Variants in TNFAIP2 observed in about 807,000 individuals in gnomAD.
TNFAIP2 encodes TNF alpha induced protein 2.
A neutral mutation model predicts 63.5 loss-of-function variants in TNFAIP2; 47 were observed. The ratio of observed to expected loss-of-function variants is 0.74; its 90% confidence interval spans 0.59 to 0.94. TNFAIP2 has a LOEUF of 0.94. TNFAIP2 is among the 40% of genes least tolerant of loss of function. The pLI, the probability that TNFAIP2 is intolerant of heterozygous loss-of-function variation, is 0.00. For synonymous variants in TNFAIP2, 405 were observed against 390.2 expected (o/e 1.04, Z -0.45); for missense variants, 787 against 850.2 (o/e 0.93, Z 0.92).
At chr14:103,122,618 CGGTGT>C (rs1465094769), upstream of TNFAIP2, 1 of 455,224 alleles carries the variant, frequency 2.2e-6, no homozygotes, top group African/African-American at 2.0e-5. Flanking sequence ...CCCTGAGAGA[CGGTGT>C]GGATGGGGAG....
intron 6 of TNFAIP2, 132 bp from the exon 7 acceptor site, chr14:103,130,920 C>A: frequency 2.4e-6 from 2 of 842,238 alleles, no homozygotes; most frequent in Non-Finnish European, 3.7e-6. Flanking sequence ...CAGGGGCTAG[C>A]GGCCCCTCCC....
In TNFAIP2 at chr14:103,132,830, G is replaced by C. The variant is rs377165629; in HGVS notation, c.1503G>C (p.Thr501=). The change falls in exon 9 of 12, where the codon ACG becomes ACC. Residue 501 remains threonine, a synonymous_variant. Coordinates refer to ENST00000560869, the MANE Select transcript of TNFAIP2 (RefSeq NM_006291.4). ...TLENIIATVD[T]RLPEFSELQG... is the part of the protein sequence containing the mutation. The stretch of plus-strand genomic sequence containing the variant: ...AAAACATCATCGCCACTGTAGACAC[G>C]AGGCTGCCTGAGTTCTCAGAGCTGC... 1 of 1,614,028 alleles carries C rather than the reference G, an allele frequency of 6.2e-7. No individual in the cohort carries two copies. Among genetic ancestry groups the C allele is most frequent in the South Asian group, 1.1e-5 (1 of 91,016 alleles).
upstream of TNFAIP2, chr14:103,122,974 G>A (rs1474075059): frequency 8.3e-6 from 3 of 360,602 alleles, no homozygotes; most frequent in African/African-American, 4.3e-5. Flanking sequence ...CCCCTTAGGG[G>A]GCCTCCTTCA....
At position 103,127,459 on chromosome 14, in the gene TNFAIP2, C is replaced by T; in HGVS notation, c.690C>T (p.Ala230=). 1 of 1,588,234 alleles carries T rather than the reference C, an allele frequency of 6.3e-7. No homozygotes were observed. Among genetic ancestry groups the T allele is most frequent in the Non-Finnish European group, 8.5e-7 (1 of 1,175,360 alleles). ...LGRTMKEDLE[A]VVERLKPLFP... ...GCACCATGAAGGAGGACCTGGAGGC[C>T]GTGGTGGAGCGGCTGAAGCCGCTGT... The change falls in exon 3 of 12, where the codon GCC becomes GCT. Residue 230 remains alanine (A), a synonymous_variant. Transcript: ENST00000560869. The surrounding 1 kb of genome is among the most constrained non-coding windows in gnomAD (Gnocchi z 5.1).
In TNFAIP2 at chr14:103,135,215, C is replaced by A; in HGVS notation, c.1824-4C>A. 3 of 1,613,742 alleles carry A rather than the reference C, an allele frequency of 1.9e-6. No individual in the cohort carries two copies. Among genetic ancestry groups the A allele is most frequent in the Non-Finnish European group, 2.5e-6 (3 of 1,179,990 alleles). ...CTGGGCTGACAGGATGCTCTCTTTG[C>A]CAGCAAAGGCCACCTGAGCGCTATC... On this transcript the variant is annotated splice_region_variant and splice_polypyrimidine_tract_variant and intron_variant, in intron 11 of 11. Transcript: ENST00000560869. The surrounding 1 kb of genome is among the most constrained non-coding windows in gnomAD (Gnocchi z 7.6).
chr14:103,136,145 C>T lies in TNFAIP2; in HGVS notation c.*785C>T, dbSNP rs2088091299. On this transcript the variant is annotated 3_prime_UTR_variant, in exon 12 of 12. Transcript: ENST00000560869. Reference sequence around the variant, plus strand: ...GCAGGGACAGGCCCTGGGGGTGCCACCGTGGGCCCTGCCACCCAGAAGTCT... The same window carrying T: ...GCAGGGACAGGCCCTGGGGGTGCCATCGTGGGCCCTGCCACCCAGAAGTCT... 1.3e-6 allele frequency: 1 copy of T among 761,102 alleles called. No homozygotes were observed. Among genetic ancestry groups the T allele is most frequent in the Non-Finnish European group, 1.8e-6 (1 of 553,020 alleles). The allele number at this position is 761,102 out of a possible 1,614,324, so 47.1% of individuals were successfully genotyped here.
intron 3 of TNFAIP2, among the ~76,000 whole-genome samples, chr14:103,128,794 G>C (rs1358430910): frequency 1.3e-5 from 2 of 152,220 alleles, no homozygotes; most frequent in African/African-American, 4.8e-5. Flanking sequence ...GACTCACCAG[G>C]AAATGCCGGG....
upstream of TNFAIP2, among the ~76,000 whole-genome samples, chr14:103,121,560 C>A (rs1345610507): frequency 6.6e-6 from 1 of 152,238 alleles, no homozygotes; most frequent in African/African-American, 2.4e-5. Flanking sequence ...CTCCATGCTG[C>A]CCCATTTTCA....
At chr14:103,134,419 G>A (rs11160713) in intron 11 of TNFAIP2, among the ~76,000 whole-genome samples, 79,932 of 150,956 alleles carry the variant, frequency 0.53, 22,766 homozygotes, top group South Asian at 0.64. Flanking sequence ...CTGGCTATCC[G>A]TCTATCTTCT....
intron 9 of TNFAIP2, 24 bp from the exon 10 acceptor site, chr14:103,133,338 G>A (rs781161830): frequency 1.7e-5 from 28 of 1,608,074 alleles, no homozygotes; most frequent in Admixed American, 1.2e-4. Flanking sequence ...CAGCTCACAC[G>A]CCCCTGGCTG....
chr14:103,133,871 TG>T (rs772430712), intron 11 of TNFAIP2, 68 bp downstream of exon 11: 106 of 1,516,924 alleles, frequency 7.0e-5, no homozygotes, highest in Non-Finnish European at 8.8e-5. Context: ...GGGCTGGCAT[TG>T]GGAACCCAGA....
At position 103,126,535 on chromosome 14, in the gene TNFAIP2, G is replaced by T; in HGVS notation, c.78G>T (p.Ala26=). Residue 26 remains alanine (A), a synonymous_variant, in exon 2 of 12, where the codon GCG becomes GCT. Coordinates refer to ENST00000560869, the MANE Select transcript of TNFAIP2 (RefSeq NM_006291.4). Reference sequence around the variant, plus strand: ...CCCCATATAGGGAGGAGGAAGAGGCGGCGAAGAAGAAGAAGGAGAAGAAGA... The same window carrying T: ...CCCCATATAGGGAGGAGGAAGAGGCTGCGAAGAAGAAGAAGGAGAAGAAGA... ...GAAPYREEEE[A]AKKKKEKKKK... 6.3e-7 allele frequency: 1 copy of T among 1,577,500 alleles called. No homozygotes were observed. The highest frequency in any genetic ancestry group is 8.6e-7 in the Non-Finnish European group (1 of 1,161,928).
In TNFAIP2 at chr14:103,131,711, C is replaced by T. The variant is rs761064513; in HGVS notation, c.1371C>T (p.Leu457=). Residue 457 remains leucine, a synonymous_variant, in exon 8 of 12, where the codon CTC becomes CTT. Coordinates refer to ENST00000560869, the MANE Select transcript of TNFAIP2 (RefSeq NM_006291.4). The surrounding 1 kb of genome is among the most constrained non-coding windows in gnomAD (Gnocchi z 4.0). The part of the protein sequence containing the change: ...LSLLLGPLGE[L]KSHGFDTLLQ... ...TCCTGCTGGGCCCCCTGGGTGAGCTCAAGAGCCACGGCTTTGACACCCTGC... is the reference window on the plus strand; with the variant it reads ...TCCTGCTGGGCCCCCTGGGTGAGCTTAAGAGCCACGGCTTTGACACCCTGC... The T allele has an allele frequency of 1.2e-6, 2 of 1,611,192 alleles. No individual in the cohort carries two copies. Among genetic ancestry groups the T allele is most frequent in the African/African-American group, 2.7e-5 (2 of 74,898 alleles).
Position 103,136,892 on chromosome 14 carries a change from T to A in TNFAIP2, c.*1532T>A, listed in dbSNP as rs986756220. 6.6e-6 allele frequency: 1 copy of A among 152,224 alleles called. No homozygotes were observed. The highest frequency in any genetic ancestry group is 6.5e-5 in the Admixed American group (1 of 15,282). The allele number at this position is 152,224 out of a possible 1,614,324, so 9.4% of individuals were successfully genotyped here. A position where few individuals can be genotyped will look rare whatever the true frequency, so the allele number is the denominator to read the frequency against. ...TCTTTCTATTTTCAGGTCAGCTGAT[T>A]AGCCACCTTAGTTCCATCTGCAACT... On this transcript the variant is annotated 3_prime_UTR_variant, in exon 12 of 12. Coordinates refer to ENST00000560869, the MANE Select transcript of TNFAIP2 (RefSeq NM_006291.4).
chr14:103,131,883 G>A lies in TNFAIP2; in HGVS notation c.1422+121G>A. ...TGTGGGGAAGACACGCTCCAGGCCT[G>A]TGGACGGCACCGTGGGCCAGCTCTG... is the stretch of plus-strand genomic sequence containing the variant. On this transcript the variant is annotated intron_variant, in intron 8 of 11. Transcript: ENST00000560869. The surrounding 1 kb of genome is among the most constrained non-coding windows in gnomAD (Gnocchi z 4.0). 7.2e-7 allele frequency: 1 copy of A among 1,394,542 alleles called. No individual in the cohort carries two copies. The highest frequency in any genetic ancestry group is 9.5e-7 in the Non-Finnish European group (1 of 1,048,452). 86.4% of individuals were successfully genotyped at this position (1,394,542 alleles called of 1,614,324 possible).
At position 103,127,127 on chromosome 14, in the gene TNFAIP2, C is replaced by A; in HGVS notation, c.358C>A (p.Arg120=). 9.1e-7 allele frequency: 1 copy of A among 1,100,384 alleles called. No homozygotes were observed. The highest frequency in any genetic ancestry group is 1.1e-6 in the Non-Finnish European group (1 of 903,174). The allele number at this position is 1,100,384 out of a possible 1,614,324, so 68.2% of individuals were successfully genotyped here. Residue 120 remains arginine (R), a synonymous_variant, in exon 3 of 12, where the codon CGG becomes AGG. Transcript: ENST00000560869. The surrounding 1 kb of genome is among the most constrained non-coding windows in gnomAD (Gnocchi z 5.1). ...CGGTGTGAGCGAGGAGGAGCTGGTG[C>A]GGCGCCAGAGCAAGGTGGAGGCGCT... ...AGGVSEEELV[R]RQSKVEALYE... is the part of the protein sequence containing the mutation.
chr14:103,130,406 T>C lies in TNFAIP2; in HGVS notation c.1190T>C (p.Phe397Ser). 6.4e-7 allele frequency: 1 copy of C among 1,562,334 alleles called. No homozygotes were observed. The highest frequency in any genetic ancestry group is 8.7e-7 in the Non-Finnish European group (1 of 1,153,190). Residue 397 changes from phenylalanine (F) to serine (S), a missense_variant, in exon 6 of 12, where the codon TTC becomes TCC. Physicochemically the swap from Phe to Ser is radical, Grantham distance 155. Transcript: ENST00000560869. ...GTGCTGCTGGTGGAGCTGCCTGCGTTCCTGAGGAGGTGGGTGTGTGCCCAG... is the reference window on the plus strand; with the variant it reads ...GTGCTGCTGGTGGAGCTGCCTGCGTCCCTGAGGAGGTGGGTGTGTGCCCAG... ...KRVLLVELPA[F>S]LRSYQRAFNE...
At chr14:103,133,609 T>G in intron 10 of TNFAIP2, 73 bp from the exon 11 acceptor site, 4 of 1,558,674 alleles carry the variant, frequency 2.6e-6, no homozygotes, top group Non-Finnish European at 3.5e-6. Flanking sequence ...CGCTGGTGCC[T>G]CTCTAAGCCC....
chr14:103,130,227 C>A (rs1464669580), intron 5 of TNFAIP2, 88 bp from the exon 6 acceptor site: 2 of 1,529,668 alleles, frequency 1.3e-6, no homozygotes, highest in Non-Finnish European at 8.8e-7. Context: ...CCTCGGGGCA[C>A]CCCCTCTGTT....
Sources: allele counts gnomAD v4.1 joint callset (sites outside exome capture counted in the v4.1 genomes callset), GRCh38; gene constraint gnomAD v4.1.1; non-coding constraint Gnocchi (gnomAD v3.1); transcripts MANE v1.5; gene names NCBI Gene and HGNC (gene_info 2026-07-23, HGNC 2026-07-21).